GPALPP1: variants seen among roughly 807,000 people sequenced by gnomAD.
GPALPP1 encodes GPALPP motifs containing 1.
A neutral mutation model predicts 38.9 loss-of-function variants in GPALPP1; 30 were observed. The observed-to-expected ratio is 0.77, with a 90% CI of 0.58 to 1.05. GPALPP1 has a LOEUF of 1.05. Ranked by LOEUF, GPALPP1 falls within the 50% of genes least tolerant of loss-of-function variation. The probability of loss-of-function intolerance (pLI) is 0.00; values close to 1 mark genes in which losing one functional copy is unlikely to be tolerated. For missense variants in GPALPP1, 384 were observed against 408.8 expected (o/e 0.94, Z 0.52); for synonymous variants, 120 against 139.2 (o/e 0.86, Z 0.97).
At chr13:45,008,303 G>A (rs1037262228) in intron 3 of GPALPP1, among the ~76,000 whole-genome samples, 1 of 152,078 alleles carries the variant, frequency 6.6e-6, no homozygotes, top group African/African-American at 2.4e-5. Flanking sequence ...ACAGATTGCT[G>A]GCATTGTCTG....
downstream of GPALPP1, chr13:45,030,377 T>C (rs773781476): frequency 6.6e-6 from 1 of 152,152 alleles, no homozygotes; most frequent in Non-Finnish European, 1.5e-5. Flanking sequence ...TTTTTGTTGT[T>C]GTTTATTTTT....
intron 7 of GPALPP1, among the ~76,000 whole-genome samples, chr13:45,023,704 C>A (rs566529970): frequency 6.6e-6 from 1 of 152,230 alleles, no homozygotes; most frequent in East Asian, 1.9e-4. Context: ...AGCCTGTCAA[C>A]CTTCATCATT....
At chr13:45,033,869 T>C (rs1244042886), downstream of GPALPP1, 2 of 152,250 alleles carry the variant, frequency 1.3e-5, no homozygotes, top group East Asian at 3.8e-4. Context: ...CACTGGGTTA[T>C]AACCAAGATT....
At chr13:45,031,260 C>T (rs954549374), downstream of GPALPP1, 1 of 152,124 alleles carries the variant, frequency 6.6e-6, no homozygotes, top group African/African-American at 2.4e-5. Context: ...CTAAAAATGT[C>T]ATTTTTAATG....
intron 1 of GPALPP1, among the ~76,000 whole-genome samples, chr13:45,003,853 T>G (rs1042376075): frequency 6.6e-6 from 1 of 150,908 alleles, no homozygotes; most frequent in South Asian, 2.1e-4. Context: ...CCAAGAAATA[T>G]GGGGATGCCA....
chr13:44,998,462 G>A (rs1362146087), intron 1 of GPALPP1, among the ~76,000 whole-genome samples: 1 of 152,010 alleles, frequency 6.6e-6, no homozygotes. Context: ...TTCCTTTTCA[G>A]TCCTAGTCTT....
In GPALPP1 at chr13:44,997,894, C is replaced by A. The variant is rs138788454; in HGVS notation, c.89-6411C>A. ...CCCTTGTGAGCCTACAGCCAGGCTT[C>A]CTAATGCTGCTAGAAGAAACCTCAC... is the stretch of plus-strand genomic sequence containing the variant. On this transcript the variant is annotated intron_variant, in intron 1 of 7. Transcript: ENST00000379151. Among the ~76,000 whole-genome samples, 125 of 152,286 alleles carry A rather than the reference C, an allele frequency of 8.2e-4. 1 individual carries two copies. Among genetic ancestry groups the A allele is most frequent in the Middle Eastern group, 3.4e-3 (1 of 294 alleles).
chr13:45,026,253 A>G (rs1393862900), intron 7 of GPALPP1, among the ~76,000 whole-genome samples: 1 of 152,202 alleles, frequency 6.6e-6, no homozygotes, highest in Non-Finnish European at 1.5e-5. Flanking sequence ...CAGAAATAGG[A>G]AAATGTGAAT....
At chr13:45,009,403 G>A (rs753103741) in intron 4 of GPALPP1, among the ~76,000 whole-genome samples, 3 of 152,142 alleles carry the variant, frequency 2.0e-5, no homozygotes, top group Non-Finnish European at 4.4e-5. Context: ...GATTTGTAGA[G>A]TACTTTACAA....
At chr13:44,999,267 AT>A (rs923998124) in intron 1 of GPALPP1, among the ~76,000 whole-genome samples, 2 of 152,040 alleles carry the variant, frequency 1.3e-5, no homozygotes, top group East Asian at 1.9e-4. Flanking sequence ...TACTGAGTTC[AT>A]TTTTTTATAT....
At chr13:44,993,371 C>T (rs1375929926) in intron 1 of GPALPP1, among the ~76,000 whole-genome samples, 2 of 152,206 alleles carry the variant, frequency 1.3e-5, no homozygotes, top group Non-Finnish European at 2.9e-5. Flanking sequence ...CACGGTGACT[C>T]ACACCTGTAA....
intron 1 of GPALPP1, among the ~76,000 whole-genome samples, chr13:44,999,653 C>T (rs544200105): frequency 2.0e-5 from 3 of 152,286 alleles, no homozygotes; most frequent in South Asian, 4.1e-4. Flanking sequence ...GATCTTGGCT[C>T]ACAGCAACCT....
At chr13:45,014,900 T>G (rs1874724240) in intron 4 of GPALPP1, 52 bp from the exon 5 acceptor site, 1 of 1,387,906 alleles carries the variant, frequency 7.2e-7, no homozygotes, top group Admixed American at 2.5e-5. Flanking sequence ...GAATTATTTT[T>G]TATAACCTGT....
Position 44,989,710 on chromosome 13 carries a change from C to G in GPALPP1, c.56C>G (p.Thr19Arg), listed in dbSNP as rs773006887. ...ALPPGFKARG[T>R]AEDEERDPSP... ...CCGCCCGGCTTCAAGGCCCGCGGAA[C>G]AGCGGAGGACGAAGAGCGGGACCCG... is the stretch of plus-strand genomic sequence containing the variant. The change falls in exon 1 of 8, where the codon ACA becomes AGA. Residue 19 changes from threonine (T) to arginine (R), a missense_variant. By Grantham distance (71) the Thr-to-Arg change is moderately conservative. Coordinates refer to ENST00000379151, the MANE Select transcript of GPALPP1 (RefSeq NM_018559.5). 1 of 1,610,944 alleles carries G rather than the reference C, an allele frequency of 6.2e-7. No homozygotes were observed. Among genetic ancestry groups the G allele is most frequent in the Non-Finnish European group, 8.5e-7 (1 of 1,179,836 alleles).
chr13:45,015,638 T>C lies in GPALPP1; in HGVS notation c.705+42T>C, dbSNP rs865956497. ...GTTTGTTCATGTATTTCTGTTCATG[T>C]TGGCTGGATTTTGAAAAGATATAAT... On this transcript the variant is annotated intron_variant, in intron 6 of 7. Transcript: ENST00000379151. 3.1e-6 allele frequency: 4 copies of C among 1,309,748 alleles called. No individual in the cohort carries two copies. In the African/African-American group the frequency reaches 6.1e-5, roughly 20 times the overall value. 81.1% of individuals were successfully genotyped at this position (1,309,748 alleles called of 1,614,324 possible).
chr13:45,019,689 T>C (rs1278608086), intron 6 of GPALPP1, among the ~76,000 whole-genome samples: 1 of 151,612 alleles, frequency 6.6e-6, no homozygotes, highest in Non-Finnish European at 1.5e-5. Context: ...TTTATTATTT[T>C]TGAAAACAGT....
At chr13:44,992,208 G>A (rs1872854313) in intron 1 of GPALPP1, among the ~76,000 whole-genome samples, 1 of 152,066 alleles carries the variant, frequency 6.6e-6, no homozygotes, top group East Asian at 1.9e-4. Context: ...ATATCTCATG[G>A]TAGTTTTAAT....
chr13:44,991,580 G>T (rs148878904), intron 1 of GPALPP1, among the ~76,000 whole-genome samples: 1 of 151,932 alleles, frequency 6.6e-6, no homozygotes, highest in Non-Finnish European at 1.5e-5. Flanking sequence ...CTTCATAACC[G>T]CCTAGATGGC....
At chr13:45,004,747 A>T (rs190356451) in intron 2 of GPALPP1, among the ~76,000 whole-genome samples, 4 of 152,212 alleles carry the variant, frequency 2.6e-5, no homozygotes, top group Non-Finnish European at 5.9e-5. Context: ...TCCCAAGCTC[A>T]AGCGATCCTC....
Sources: allele counts gnomAD v4.1 joint callset (sites outside exome capture counted in the v4.1 genomes callset), GRCh38; gene constraint gnomAD v4.1.1; transcripts MANE v1.5; gene names NCBI Gene and HGNC (gene_info 2026-07-23, HGNC 2026-07-21).